Variants in CCDC3 observed in about 807,000 individuals in gnomAD.
CCDC3 encodes coiled-coil domain containing 3.
In CCDC3, 24 loss-of-function variants were observed where a neutral mutation model predicts 21.4. The observed-to-expected ratio is 1.12, with a 90% confidence interval of 0.81 to 1.58. The LOEUF is 1.58. CCDC3 is among the 40% of genes most tolerant of loss of function. CCDC3 has a pLI of 0.00. For synonymous variants in CCDC3, 186 were observed against 166.0 expected, an observed-to-expected ratio of 1.12 and a Z score of -0.93; for missense variants, 425 against 360.9, an observed-to-expected ratio of 1.18 and a Z score of -1.44.
Position 12,946,488 on chromosome 10 carries a change from T to A in CCDC3, c.550-47809A>T, listed in dbSNP as rs148382283. The stretch of plus-strand genomic sequence containing the variant: ...CAGCAAATCCTAGGCAGCCAACTGA[T>A]CCGATCATGCCCAATAAGACAAATG... On this transcript the variant is annotated intron_variant, in intron 2 of 2. Transcript: ENST00000378825. Among the ~76,000 whole-genome samples the A allele has an allele frequency of 7.9e-5, 12 of 152,280 alleles. No individual in the cohort carries two copies. The East Asian group carries it at 2.3e-3, about 29-fold the overall frequency.
At chr10:12,920,168 G>C (rs1834425961) in intron 2 of CCDC3, among the ~76,000 whole-genome samples, 1 of 152,190 alleles carries the variant, frequency 6.6e-6, no homozygotes, top group South Asian at 2.1e-4. Flanking sequence ...CACAATCATG[G>C]TGGAAGGTGA....
At position 13,076,836 on chromosome 10, in the gene CCDC3, G is replaced by A. The variant is rs189839028; in HGVS notation, c.-502-2736C>T. Among the ~76,000 whole-genome samples, 13 of 152,240 alleles carry A rather than the reference G, an allele frequency of 8.5e-5. No homozygotes were observed. The East Asian group carries it at 1.9e-3, about 23-fold the overall frequency. ...AGAAGTTTTAAATTGTCAGCCAATC[G>A]GGTTCAGTTTATATTGTGAGGTCTG... On this transcript the variant is annotated intron_variant, in intron 3 of 6. Coordinates refer to the CCDC3 transcript ENST00000378839.
At chr10:12,977,757 CATT>C (rs1410366854) in intron 2 of CCDC3, among the ~76,000 whole-genome samples, 6 of 152,212 alleles carry the variant, frequency 3.9e-5, no homozygotes, top group African/African-American at 1.4e-4. Context: ...AAGATTTCAT[CATT>C]AACAGATGCA....
intron 1 of CCDC3, among the ~76,000 whole-genome samples, chr10:13,000,757 G>T (rs897044725): frequency 1.3e-5 from 2 of 152,196 alleles, no homozygotes; most frequent in African/African-American, 4.8e-5. Flanking sequence ...TGAGGCTATG[G>T]AAGTTCTTGA....
chr10:13,062,339 G>A (rs1305397178), intron 4 of CCDC3, among the ~76,000 whole-genome samples: 1 of 152,132 alleles, frequency 6.6e-6, no homozygotes, highest in Non-Finnish European at 1.5e-5. Flanking sequence ...AGTCAACCAT[G>A]TGGTCCACCC....
At position 13,001,528 on chromosome 10, in the gene CCDC3, G is replaced by C. The variant is rs974083043; in HGVS notation, c.43C>G (p.Pro15Ala). 9.4e-5 allele frequency: 124 copies of C among 1,312,396 alleles called. No individual in the cohort carries two copies. Among genetic ancestry groups the C allele is most frequent in the Non-Finnish European group, 1.2e-4 (121 of 1,033,600 alleles). 81.3% of individuals were successfully genotyped at this position (1,312,396 alleles called of 1,614,324 possible). Residue 15 changes from proline to alanine, a missense_variant, in exon 1 of 3, where the codon CCC becomes GCC. Transcript: ENST00000378825. ...LLLAALCLAG[P>A]PAPARACQLP... is the part of the protein sequence containing the mutation. ...TGGCAGGCGCGCGCGGGCGCTGGGG[G>C]ACCCGCCAGGCAGAGCGCGGCGAGC... is the stretch of plus-strand genomic sequence containing the variant.
chr10:13,092,687 A>G (rs1458999943), intron 3 of CCDC3, among the ~76,000 whole-genome samples: 4 of 152,258 alleles, frequency 2.6e-5, no homozygotes, highest in Admixed American at 1.3e-4. Flanking sequence ...AGGGGTGACC[A>G]GTTGCAAAAT....
chr10:13,024,522 C>A (rs1221846117), intron 5 of CCDC3, among the ~76,000 whole-genome samples: 6 of 152,164 alleles, frequency 3.9e-5, no homozygotes, highest in African/African-American at 1.4e-4. Flanking sequence ...ACTCCCAGCA[C>A]CCTGCATTGC....
chr10:12,962,504 G>A (rs1835194703), intron 2 of CCDC3, among the ~76,000 whole-genome samples: 1 of 152,224 alleles, frequency 6.6e-6, no homozygotes, highest in Non-Finnish European at 1.5e-5. Flanking sequence ...TCAGGAGGCT[G>A]AGGCAGGAGA....
chr10:12,971,798 T>C (rs755836819), intron 2 of CCDC3, among the ~76,000 whole-genome samples: 12 of 152,124 alleles, frequency 7.9e-5, no homozygotes, highest in Non-Finnish European at 1.3e-4. Context: ...CGATTCTCCT[T>C]GCCTCAGCCT....
At chr10:13,016,547 C>T (rs1376678368) in intron 5 of CCDC3, among the ~76,000 whole-genome samples, 1 of 151,868 alleles carries the variant, frequency 6.6e-6, no homozygotes, top group Non-Finnish European at 1.5e-5. Flanking sequence ...CCTTGGGAGG[C>T]AGGAAGCCGA....
chr10:13,022,915 C>T (rs1029102022), intron 5 of CCDC3, among the ~76,000 whole-genome samples: 46 of 151,924 alleles, frequency 3.0e-4, no homozygotes, highest in Admixed American at 3.9e-4. Flanking sequence ...TAGGCCAAGC[C>T]ATTAATAAAT....
At chr10:12,956,242 C>T (rs1312774543) in intron 2 of CCDC3, among the ~76,000 whole-genome samples, 1 of 152,188 alleles carries the variant, frequency 6.6e-6, no homozygotes, top group African/African-American at 2.4e-5. Context: ...GTTTCTTATC[C>T]CATCATTCTA....
At chr10:12,942,397 A>G (rs1459784630) in intron 2 of CCDC3, among the ~76,000 whole-genome samples, 1 of 152,240 alleles carries the variant, frequency 6.6e-6, no homozygotes, top group Non-Finnish European at 1.5e-5. Context: ...CCCTTTTAAT[A>G]AAAAGCAGCT....
chr10:12,974,109 TG>T (rs998757136), intron 2 of CCDC3, among the ~76,000 whole-genome samples: 2 of 152,200 alleles, frequency 1.3e-5, no homozygotes, highest in Admixed American at 6.5e-5. Context: ...CCTTTCATGG[TG>T]GGAAATATGG....
intron 5 of CCDC3, among the ~76,000 whole-genome samples, chr10:13,028,760 A>G (rs1836259375): frequency 6.6e-6 from 1 of 152,210 alleles, no homozygotes; most frequent in African/African-American, 2.4e-5. Flanking sequence ...TTTAGGAAAT[A>G]GCAGGATTGT....
At chr10:12,916,805 G>A (rs1431173713) in intron 2 of CCDC3, among the ~76,000 whole-genome samples, 1 of 152,190 alleles carries the variant, frequency 6.6e-6, no homozygotes. Context: ...GTCTGTGGCT[G>A]CTGGCTTGCT....
At position 13,033,066 on chromosome 10, in the gene CCDC3, C is replaced by A. The variant is rs10796004; in HGVS notation, c.-2+16608G>T. On this transcript the variant is annotated intron_variant, in intron 5 of 6. Transcript: ENST00000378839. ...TAAGCCAAAAGAACAAAGCTGGAGG[C>A]ATCATGCTACCTGACTTCAAACTAT... Among the ~76,000 whole-genome samples, 3 of 152,098 alleles carry A rather than the reference C, an allele frequency of 2.0e-5. No individual in the cohort carries two copies. In the South Asian group the frequency reaches 6.2e-4, roughly 32 times the overall value.
At chr10:12,965,186 C>T (rs546717405) in intron 2 of CCDC3, among the ~76,000 whole-genome samples, 14 of 152,302 alleles carry the variant, frequency 9.2e-5, no homozygotes, top group African/African-American at 2.6e-4. Flanking sequence ...CATCCCCCCT[C>T]CCTGCTTTCC....
Sources: gnomAD v4.1 joint callset for allele counts (sites outside exome capture counted in the v4.1 genomes callset) on GRCh38, gnomAD v4.1.1 for gene constraint, MANE v1.5 for transcripts, NCBI Gene and HGNC (gene_info 2026-07-23, HGNC 2026-07-21) for gene names.